Variants in PHF24 observed in about 807,000 individuals in gnomAD.
PHF24 encodes the protein PHD finger protein 24.
A neutral mutation model predicts 42.6 loss-of-function variants in PHF24; 25 were observed. That is an observed-to-expected ratio of 0.59 (90% CI 0.43 to 0.82). The LOEUF (loss-of-function observed/expected upper bound fraction) is 0.82. Ranked by LOEUF, PHF24 falls within the 40% of genes least tolerant of loss-of-function variation. PHF24 has a pLI of 0.00. For synonymous variants in PHF24, 185 were observed against 204.8 expected (o/e 0.90, Z 0.83); for missense variants, 470 against 538.1 (o/e 0.87, Z 1.25).
the PHF24 span, among the ~76,000 whole-genome samples, chr9:34,857,847 TCATTTCATTCATCCTATTTTTTAGTGTC>T: frequency 6.6e-6 from 1 of 152,258 alleles, no homozygotes; most frequent in Admixed American, 6.5e-5. Context: ...ATTGCATTTT[TCATTTCATTCATCCTATTTTTTAGTGTC>T]AGAATTTCCA....
exon 8 of PHF24, chr9:34,979,763 C>G (rs1375526056): frequency 6.6e-6 from 1 of 152,076 alleles, no homozygotes; most frequent in Non-Finnish European, 1.5e-5. Context: ...ACCACCTTAG[C>G]TGGAAGCAGG....
At chr9:34,832,798 G>A in the PHF24 span, 1 of 1,551,420 alleles carries the variant, frequency 6.4e-7, no homozygotes, top group Non-Finnish European at 8.7e-7. Flanking sequence ...AGGAAAGGCT[G>A]ACCCTGTGAA....
At chr9:34,895,183 GT>G in the PHF24 span, 3 of 397,894 alleles carry the variant, frequency 7.5e-6, no homozygotes, top group Non-Finnish European at 1.3e-5. Context: ...CTTTTTCTGT[GT>G]TCCAATTTTA....
the PHF24 span, among the ~76,000 whole-genome samples, chr9:34,757,280 T>G: frequency 7.1e-6 from 1 of 141,370 alleles, no homozygotes; most frequent in Non-Finnish European, 1.6e-5. Flanking sequence ...TTTTTTTTTT[T>G]GTAGCTTTTG....
chr9:34,924,869 T>C, the PHF24 span, among the ~76,000 whole-genome samples: 8 of 152,350 alleles, frequency 5.3e-5, no homozygotes, highest in East Asian at 1.5e-3. Flanking sequence ...TCTTATTGTT[T>C]ATTTTTGCAG....
chr9:34,680,682 C>T, the PHF24 span, among the ~76,000 whole-genome samples: 9 of 95,258 alleles, frequency 9.4e-5, no homozygotes, highest in Admixed American at 1.1e-4. Flanking sequence ...AGCGAGACTC[C>T]GTCTCAAAAA....
chr9:34,797,708 G>A, the PHF24 span, among the ~76,000 whole-genome samples: 1 of 151,336 alleles, frequency 6.6e-6, no homozygotes, highest in East Asian at 1.9e-4. Context: ...TTGTGTGTCT[G>A]CCTGCTAGGG....
chr9:34,807,291 G>A, the PHF24 span, among the ~76,000 whole-genome samples: 2 of 152,154 alleles, frequency 1.3e-5, no homozygotes, highest in Non-Finnish European at 2.9e-5. Context: ...TGCTAGAAGA[G>A]TATCAGATAG....
At chr9:34,727,318 G>A in the PHF24 span, among the ~76,000 whole-genome samples, 1 of 152,196 alleles carries the variant, frequency 6.6e-6, no homozygotes, top group African/African-American at 2.4e-5. Context: ...TTAGCTGATG[G>A]GGCATCACCA....
the PHF24 span, among the ~76,000 whole-genome samples, chr9:34,876,238 T>C: frequency 6.6e-6 from 1 of 152,014 alleles, no homozygotes; most frequent in East Asian, 1.9e-4. Flanking sequence ...TTGCCAAAAC[T>C]TGGAAGCAAC....
chr9:34,750,353 G>C, the PHF24 span, among the ~76,000 whole-genome samples: 1 of 151,930 alleles, frequency 6.6e-6, no homozygotes, highest in Non-Finnish European at 1.5e-5. Flanking sequence ...AAATTGACTG[G>C]CTGGTGCATG....
At chr9:34,719,219 A>C in the PHF24 span, among the ~76,000 whole-genome samples, 1 of 152,088 alleles carries the variant, frequency 6.6e-6, no homozygotes, top group African/African-American at 2.4e-5. Flanking sequence ...TGTAGTTTTA[A>C]TAGAGACAGG....
At chr9:34,817,246 TATTA>T in the PHF24 span, among the ~76,000 whole-genome samples, 1 of 152,204 alleles carries the variant, frequency 6.6e-6, no homozygotes, top group Admixed American at 6.5e-5. Context: ...TCATTTGTAT[TATTA>T]ATTTTCTTTT....
At chr9:34,814,582 G>A in the PHF24 span, among the ~76,000 whole-genome samples, 1 of 151,792 alleles carries the variant, frequency 6.6e-6, no homozygotes, top group South Asian at 2.1e-4. Context: ...GAGACAAGGG[G>A]AACTGATGCA....
At chr9:34,766,700 C>T in the PHF24 span, among the ~76,000 whole-genome samples, 11 of 152,222 alleles carry the variant, frequency 7.2e-5, no homozygotes, top group East Asian at 1.9e-4. Context: ...TCTCTCAACT[C>T]GTCAAAGTCA....
At chr9:34,894,913 CT>C in the PHF24 span, 1 of 397,002 alleles carries the variant, frequency 2.5e-6, no homozygotes, top group South Asian at 1.4e-4. Context: ...GAAATTGTCC[CT>C]GGGGGGTACT....
At chr9:34,977,982 G>C (rs1481421637) in intron 7 of PHF24, 33 bp from the exon 8 acceptor site, 1 of 1,553,328 alleles carries the variant, frequency 6.4e-7, no homozygotes, top group Non-Finnish European at 8.9e-7. Context: ...CTTCAAACCA[G>C]CCTCACGACT....
At chr9:34,840,587 T>A in the PHF24 span, among the ~76,000 whole-genome samples, 1 of 151,500 alleles carries the variant, frequency 6.6e-6, no homozygotes, top group Non-Finnish European at 1.5e-5. Flanking sequence ...TGGAGTGCAG[T>A]GACACAATCA....
chr9:34,769,081 T>C, the PHF24 span, among the ~76,000 whole-genome samples: 1 of 152,084 alleles, frequency 6.6e-6, no homozygotes, highest in African/African-American at 2.4e-5. Flanking sequence ...TGTAAAACCT[T>C]TTTGAGAAAA....
Sources: allele counts gnomAD v4.1 joint callset (sites outside exome capture counted in the v4.1 genomes callset), GRCh38; gene constraint gnomAD v4.1.1; transcripts MANE v1.5; gene names NCBI Gene and HGNC (gene_info 2026-07-23, HGNC 2026-07-21).